PLG: variants seen among roughly 807,000 people sequenced by gnomAD.
PLG encodes plasminogen.
Under a neutral mutation model 104.4 loss-of-function variants are expected in PLG, and 41 were observed. The observed-to-expected ratio is 0.39, with a 90% CI of 0.31 to 0.51. The LOEUF is 0.51. Among genes scored for constraint, PLG ranks in the 20% least tolerant of loss-of-function variants. The pLI is 0.76. For missense variants in PLG, 891 were observed against 1,003.6 expected (o/e 0.89, Z 1.52); for synonymous variants, 337 against 357.1 (o/e 0.94, Z 0.63).
In PLG at chr6:160,744,293, C is replaced by T. The variant is rs115083310; in HGVS notation, c.2125+2876C>T. Among the ~76,000 whole-genome samples the T allele has an allele frequency of 0.02, 3,032 of 152,154 alleles. 121 individuals are homozygous for T. Among genetic ancestry groups the T allele is most frequent in the African/African-American group, 0.07 (2,890 of 41,504 alleles). Reference sequence around the variant, plus strand: ...AGCTGTGAATCTATCTGGTCCTGGGCTTTTGTTGGTTAGTAGGCTATTTAT... The same window carrying T: ...AGCTGTGAATCTATCTGGTCCTGGGTTTTTGTTGGTTAGTAGGCTATTTAT... On this transcript the variant is annotated intron_variant, in intron 17 of 18. Coordinates refer to ENST00000308192, the MANE Select transcript of PLG (RefSeq NM_000301.5). The surrounding 1 kb of genome is among the most constrained non-coding windows in gnomAD (Gnocchi z 4.5).
rs4252120 is a variant in PLG at position 160,722,576 on chromosome 6, T to C, written c.1256+9T>C. 0.26 allele frequency: 416,845 copies of C among 1,609,930 alleles called. 58,523 individuals carry two copies. Among genetic ancestry groups the C allele is most frequent in the Non-Finnish European group, 0.29 (342,497 of 1,176,346 alleles). On this transcript the variant is annotated intron_variant, in intron 10 of 18. Transcript: ENST00000308192. ...GAAAACTACCCAAATGCGTATGTCT[T>C]TGATTTTTACTGTAAGAGGGGCATC...
Position 160,735,296 on chromosome 6 carries a change from G to A in PLG, c.1681+1208G>A, listed in dbSNP as rs149371473. 6.6e-6 allele frequency among the ~76,000 whole-genome samples: 1 copy of A among 152,106 alleles called. No individual in the cohort carries two copies. The highest frequency in any genetic ancestry group is 1.5e-5 in the Non-Finnish European group (1 of 68,028). ...TCTATCCTTGACAGGCTGCCTTGAA[G>A]TTGAGCCCAGACTGATTTTCTTGCC... On this transcript the variant is annotated intron_variant, in intron 13 of 18. Transcript: ENST00000308192. This position sits in a 1 kb window ranked among gnomAD's most constrained non-coding sequence, Gnocchi z 5.4.
chr6:160,721,528 C>A (rs1426523146), intron 9 of PLG, among the ~76,000 whole-genome samples: 1 of 152,192 alleles, frequency 6.6e-6, no homozygotes, highest in Non-Finnish European at 1.5e-5. Flanking sequence ...GCCTGGGGTG[C>A]TAAAGAGTTT....
At position 160,736,044 on chromosome 6, in the gene PLG, T is replaced by C. The variant is rs1005776858; in HGVS notation, c.1682-843T>C. 2.6e-5 allele frequency among the ~76,000 whole-genome samples: 4 copies of C among 152,240 alleles called. No homozygotes were observed. The highest frequency in any genetic ancestry group is 5.9e-5 in the Non-Finnish European group (4 of 68,040). The stretch of plus-strand genomic sequence containing the variant: ...CTCTTACAGTTGTTACTAATAATTG[T>C]ATGAACAATTATTTAAAATATTAAC... On this transcript the variant is annotated intron_variant, in intron 13 of 18. Coordinates refer to ENST00000308192, the MANE Select transcript of PLG (RefSeq NM_000301.5). This position sits in a 1 kb window ranked among gnomAD's most constrained non-coding sequence, Gnocchi z 5.2.
intron 1 of PLG, among the ~76,000 whole-genome samples, chr6:160,703,651 G>A (rs866870683): frequency 6.6e-6 from 1 of 152,192 alleles, no homozygotes; most frequent in Admixed American, 6.5e-5. Context: ...CATTCAAGGA[G>A]CTATCAAAGA....
chr6:160,752,312 C>G lies in PLG; in HGVS notation c.2271+52C>G. 1 of 1,530,578 alleles carries G rather than the reference C, an allele frequency of 6.5e-7. No homozygotes were observed. The highest frequency in any genetic ancestry group is 9.1e-7 in the Non-Finnish European group (1 of 1,104,546). 94.8% of individuals were successfully genotyped at this position (1,530,578 alleles called of 1,614,324 possible). On this transcript the variant is annotated intron_variant, in intron 18 of 18. Coordinates refer to ENST00000308192, the MANE Select transcript of PLG (RefSeq NM_000301.5). This position sits in a 1 kb window ranked among gnomAD's most constrained non-coding sequence, Gnocchi z 4.7. ...TAGTCTTGTGCTCTCTTGTCTCAGT[C>G]TCAGCCCCTCAGACTTCATTCCCCA...
chr6:160,710,294 C>A (rs1276539899), intron 3 of PLG, among the ~76,000 whole-genome samples: 3 of 152,126 alleles, frequency 2.0e-5, no homozygotes. Context: ...TTTTCACATT[C>A]ATTTCTCAGT....
At chr6:160,742,498 T>G (rs147402310) in intron 17 of PLG, among the ~76,000 whole-genome samples, 3,018 of 130,484 alleles carry the variant, frequency 0.023, 118 homozygotes, top group African/African-American at 0.075. Context: ...TTTAATGGGG[T>G]TTTTTTTTTC....
chr6:160,713,746 A>G (rs1014296246), intron 5 of PLG, among the ~76,000 whole-genome samples: 2 of 152,208 alleles, frequency 1.3e-5, no homozygotes, highest in Admixed American at 1.3e-4. Context: ...AATAAACAAT[A>G]TATATTTAAT....
At chr6:160,747,219 G>T (rs1052536094) in intron 17 of PLG, among the ~76,000 whole-genome samples, 1 of 152,226 alleles carries the variant, frequency 6.6e-6, no homozygotes, top group Non-Finnish European at 1.5e-5. Context: ...CATGGCCCCA[G>T]GTCTAGGATG....
chr6:160,741,504 A>G lies in PLG; in HGVS notation c.2125+87A>G, dbSNP rs989014837. 10 of 878,662 alleles carry G rather than the reference A, an allele frequency of 1.1e-5. No individual in the cohort carries two copies. The highest frequency in any genetic ancestry group is 1.9e-5 in the Admixed American group (1 of 52,980). The allele number at this position is 878,662 out of a possible 1,614,324, so 54.4% of individuals were successfully genotyped here. ...ATGATCATTTTGGAGAAAGCTGTGC[A>G]AATTCCTATCCATGAATGTGGTCCA... On this transcript the variant is annotated intron_variant, in intron 17 of 18. Coordinates refer to ENST00000308192, the MANE Select transcript of PLG (RefSeq NM_000301.5). The surrounding 1 kb of genome is among the most constrained non-coding windows in gnomAD (Gnocchi z 4.7).
At position 160,737,105 on chromosome 6, in the gene PLG, C is replaced by T. The variant is rs4252143; in HGVS notation, c.1802+98C>T. On this transcript the variant is annotated intron_variant, in intron 14 of 18. Transcript: ENST00000308192. The surrounding 1 kb of genome is among the most constrained non-coding windows in gnomAD (Gnocchi z 4.7). The stretch of plus-strand genomic sequence containing the variant: ...AAAATCCACACAGCTGAGGCATCAG[C>T]ACCTGCCTCTAAGTTTTCTGAAGGA... 2,466 of 1,506,146 alleles carry T rather than the reference C, an allele frequency of 1.6e-3. 38 individuals carry two copies. In the African/African-American group the frequency reaches 0.032, roughly 19 times the overall value. The allele number at this position is 1,506,146 out of a possible 1,614,324, so 93.3% of individuals were successfully genotyped here. A position where few individuals can be genotyped will look rare whatever the true frequency, so the allele number is the denominator to read the frequency against.
In PLG at chr6:160,744,549, C is replaced by G. The variant is rs1778248150; in HGVS notation, c.2125+3132C>G. Among the ~76,000 whole-genome samples, 1 of 151,992 alleles carries G rather than the reference C, an allele frequency of 6.6e-6. No homozygotes were observed. The highest frequency in any genetic ancestry group is 2.4e-5 in the African/African-American group (1 of 41,404). On this transcript the variant is annotated intron_variant, in intron 17 of 18. Transcript: ENST00000308192. The surrounding 1 kb of genome is among the most constrained non-coding windows in gnomAD (Gnocchi z 4.5). Reference sequence around the variant, plus strand: ...ATTGTGTTTATTTTGGTCTTATCTTCCTTTTCTTCATTAGCCTAGCTAGCA... The same window carrying G: ...ATTGTGTTTATTTTGGTCTTATCTTGCTTTTCTTCATTAGCCTAGCTAGCA...
chr6:160,726,423 C>T lies in PLG; in HGVS notation c.1256+3856C>T, dbSNP rs772590332. Among the ~76,000 whole-genome samples, 2 of 151,758 alleles carry T rather than the reference C, an allele frequency of 1.3e-5. No individual in the cohort carries two copies. The highest frequency in any genetic ancestry group is 4.8e-5 in the African/African-American group (2 of 41,340). On this transcript the variant is annotated intron_variant, in intron 10 of 18. Coordinates refer to ENST00000308192, the MANE Select transcript of PLG (RefSeq NM_000301.5). This position sits in a 1 kb window ranked among gnomAD's most constrained non-coding sequence, Gnocchi z 4.4. ...ACATATCAAAGTTCGTATGATGCAG[C>T]GAATGTTTTTAGGGTTTTATAACTT...
In PLG at chr6:160,748,448, G is replaced by GAAA. The variant is rs1274564997; in HGVS notation, c.2126-3667_2126-3666insAAA. On this transcript the variant is annotated intron_variant, in intron 17 of 18. Transcript: ENST00000308192. ...AAAGAGAACGAAAGAAAGAAGGGAG[G>GAAA]GAGGGAGGGAGGGAGGGAGGGAGGG... Among the ~76,000 whole-genome samples, 51 of 30,006 alleles carry GAAA rather than the reference G, an allele frequency of 1.7e-3. 1 individual carries two copies. The highest frequency in any genetic ancestry group is 0.12 in the East Asian group (1 of 8). 19.7% of individuals were successfully genotyped at this position (30,006 alleles called of 152,430 possible).
Position 160,752,157 on chromosome 6 carries a change from T to C in PLG, c.2168T>C (p.Val723Ala), listed in dbSNP as rs770409778. Residue 723 changes from valine (V) to alanine (A), a missense_variant, in exon 18 of 19, where the codon GTG becomes GCG. Coordinates refer to ENST00000308192, the MANE Select transcript of PLG (RefSeq NM_000301.5). This position sits in a 1 kb window ranked among gnomAD's most constrained non-coding sequence, Gnocchi z 4.7. ...CTTCTCAAGGAAGCCCAGCTCCCTG[T>C]GATTGAGAATAAAGTGTGCAATCGC... ...AGLLKEAQLP[V>A]IENKVCNRYE... 7 of 1,612,210 alleles carry C rather than the reference T, an allele frequency of 4.3e-6. No individual in the cohort carries two copies. Among genetic ancestry groups the C allele is most frequent in the Non-Finnish European group, 5.9e-6 (7 of 1,178,212 alleles).
chr6:160,718,813 A>T lies in PLG; in HGVS notation c.1071A>T (p.Val357=), dbSNP rs146041064. The T allele has an allele frequency of 6.2e-7, 1 of 1,613,894 alleles. No individual in the cohort carries two copies. The highest frequency in any genetic ancestry group is 8.5e-7 in the Non-Finnish European group (1 of 1,179,798). The change falls in exon 9 of 19, where the codon GTA becomes GTT. Residue 357 remains valine (V), a synonymous_variant. Transcript: ENST00000308192. ...CKIPSCDSSP[V]STEQLAPTAP... The stretch of plus-strand genomic sequence containing the variant: ...TACCGTCCTGTGACTCCTCCCCAGT[A>T]TCCACGGAACAATTGGCTCCCACAG...
Position 160,737,132 on chromosome 6 carries a change from G to GA in PLG, c.1802+131dup. The GA allele has an allele frequency of 1.7e-6, 2 of 1,172,358 alleles. No individual in the cohort carries two copies. The highest frequency in any genetic ancestry group is 1.6e-5 in the African/African-American group (1 of 63,944). The allele number at this position is 1,172,358 out of a possible 1,614,324, so 72.6% of individuals were successfully genotyped here. On this transcript the variant is annotated intron_variant, in intron 14 of 18. Coordinates refer to ENST00000308192, the MANE Select transcript of PLG (RefSeq NM_000301.5). This position sits in a 1 kb window ranked among gnomAD's most constrained non-coding sequence, Gnocchi z 4.7. ...CCTGCCTCTAAGTTTTCTGAAGGAG[G>GA]AAAAAAGCTACAAAAATTAATATAT...
Position 160,726,980 on chromosome 6 carries a change from G to T in PLG, c.1257-4071G>T, listed in dbSNP as rs1344743605. 6.6e-6 allele frequency among the ~76,000 whole-genome samples: 1 copy of T among 151,898 alleles called. No homozygotes were observed. Among genetic ancestry groups the T allele is most frequent in the Non-Finnish European group, 1.5e-5 (1 of 67,848 alleles). ...TATAGACAAACAATTGAGTAAATCTGTGAAACAGAAAGTTGGTTCTTTTGA... is the reference window on the plus strand; with the variant it reads ...TATAGACAAACAATTGAGTAAATCTTTGAAACAGAAAGTTGGTTCTTTTGA... On this transcript the variant is annotated intron_variant, in intron 10 of 18. Transcript: ENST00000308192. This position sits in a 1 kb window ranked among gnomAD's most constrained non-coding sequence, Gnocchi z 4.4.
Sources: allele counts gnomAD v4.1 joint callset (sites outside exome capture counted in the v4.1 genomes callset), GRCh38; gene constraint gnomAD v4.1.1; non-coding constraint Gnocchi (gnomAD v3.1); transcripts MANE v1.5; gene names NCBI Gene and HGNC (gene_info 2026-07-23, HGNC 2026-07-21).